SYNE2: variants seen among roughly 807,000 people sequenced by gnomAD.
SYNE2 encodes the protein nesprin-2.
SYNE2 carries 431 observed loss-of-function variants against 856.3 expected under a neutral mutation model. The ratio of observed to expected loss-of-function variants is 0.50; its 90% CI spans 0.47 to 0.55. The LOEUF (loss-of-function observed/expected upper bound fraction) is 0.55, where lower values mean the gene tolerates loss of function less well. Among genes scored for constraint, SYNE2 ranks in the 20% least tolerant of loss-of-function variants. The pLI is 0.00. For synonymous variants in SYNE2, 2,923 were observed against 2,872.3 expected (o/e 1.02, Z -0.56); for missense variants, 8,129 against 8,023.2 (o/e 1.01, Z -0.50).
intron 37 of SYNE2, 94 bp from the exon 38 acceptor site, chr14:64,022,657 C>A: frequency 4.0e-6 from 3 of 751,082 alleles, no homozygotes; most frequent in Admixed American, 2.0e-5. Flanking sequence ...CGATGTATAT[C>A]TATGGCATGG....
chr14:64,048,184 T>C lies in SYNE2; in HGVS notation c.7377+29T>C, dbSNP rs780899111. Reference sequence around the variant, plus strand: ...TGGAAACATAAAAACACTGACAACATGATTGCATCATTTATCCAGTGCAAT... The same window carrying C: ...TGGAAACATAAAAACACTGACAACACGATTGCATCATTTATCCAGTGCAAT... On this transcript the variant is annotated intron_variant, in intron 46 of 115. Transcript: ENST00000555002. 3.7e-6 allele frequency: 6 copies of C among 1,607,392 alleles called. No homozygotes were observed. The African/African-American group carries it at 8.0e-5, about 22-fold the overall frequency.
At chr14:64,156,445 T>C (rs951839753) in intron 85 of SYNE2, among the ~76,000 whole-genome samples, 5 of 151,288 alleles carry the variant, frequency 3.3e-5, no homozygotes, top group African/African-American at 1.2e-4. Flanking sequence ...TCTTCTTTAT[T>C]TTCTTTTTTC....
intron 84 of SYNE2, among the ~76,000 whole-genome samples, chr14:64,148,225 A>C (rs1304927218): frequency 6.6e-6 from 1 of 152,132 alleles, no homozygotes; most frequent in East Asian, 1.9e-4. Context: ...TAAGGGAAGA[A>C]TATCCTTTGA....
chr14:63,821,800 T>G (rs1339754881), intron 1 of SYNE2, among the ~76,000 whole-genome samples: 2 of 152,024 alleles, frequency 1.3e-5, no homozygotes, highest in Non-Finnish European at 2.9e-5. Context: ...ATCTGTTCAT[T>G]CATAAAAGGA....
At chr14:63,867,287 A>G (rs1244492993) in intron 1 of SYNE2, among the ~76,000 whole-genome samples, 2 of 152,132 alleles carry the variant, frequency 1.3e-5, no homozygotes, top group Non-Finnish European at 2.9e-5. Context: ...TGAGCATTCA[A>G]CATATGAAGT....
intron 1 of SYNE2, among the ~76,000 whole-genome samples, chr14:63,820,686 A>T (rs928824831): frequency 6.6e-6 from 1 of 152,170 alleles, no homozygotes; most frequent in African/African-American, 2.4e-5. Context: ...ATTTCAGAGA[A>T]GAAATCAGTG....
chr14:63,980,919 TA>T, intron 15 of SYNE2, 66 bp from the exon 16 acceptor site: 1 of 1,184,570 alleles, frequency 8.4e-7, no homozygotes, highest in Non-Finnish European at 1.2e-6. Context: ...AATATGCAAA[TA>T]TTTTTAAATA....
rs564187169 is a variant in SYNE2, at chr14:63,931,549, C to CA, written c.80-9050dup. ...TGGGCTACAAAGCGAGACTCTGTCT[C>CA]AAAAAAAAAAAAAAAGAAAGAAAGA... On this transcript the variant is annotated intron_variant, in intron 2 of 115. Coordinates refer to ENST00000555002, the MANE Select transcript of SYNE2 (RefSeq NM_182914.3). Among the ~76,000 whole-genome samples, 458 of 88,552 alleles carry CA rather than the reference C, an allele frequency of 5.2e-3. 1 individual carries two copies. Among genetic ancestry groups the CA allele is most frequent in the Admixed American group, 0.014 (108 of 7,830 alleles). The allele number at this position is 88,552 out of a possible 152,430, so 58.1% of individuals were successfully genotyped here. A position where few individuals can be genotyped will look rare whatever the true frequency, so the allele number is the denominator to read the frequency against.
intron 65 of SYNE2, among the ~76,000 whole-genome samples, chr14:64,110,857 G>A (rs1171358480): frequency 6.6e-6 from 1 of 151,960 alleles, no homozygotes; most frequent in Non-Finnish European, 1.5e-5. Flanking sequence ...AAAAAGAGGT[G>A]GGTGAACTGA....
intron 59 of SYNE2, 87 bp from the exon 60 acceptor site, chr14:64,090,779 T>C: frequency 8.3e-7 from 1 of 1,207,636 alleles, no homozygotes; most frequent in Non-Finnish European, 1.2e-6. Flanking sequence ...CTATAAAAAC[T>C]ATACTGTATT....
In SYNE2 at chr14:64,078,351, CCCT is replaced by C. The variant is rs1401103159; in HGVS notation, c.11023-114_11023-112del. On this transcript the variant is annotated intron_variant, in intron 54 of 115. Coordinates refer to ENST00000555002, the MANE Select transcript of SYNE2 (RefSeq NM_182914.3). Reference sequence around the variant, plus strand: ...CATTTGCCAGAATTTCTTCCCCCAGCCCTTAAAAAATTTTTACAAGTTAAAACA... The same window carrying C: ...CATTTGCCAGAATTTCTTCCCCCAGCTAAAAAATTTTTACAAGTTAAAACA... 8.0e-5 allele frequency: 106 copies of C among 1,325,910 alleles called. No homozygotes were observed. The African/African-American group carries it at 1.4e-3, about 17-fold the overall frequency. The allele number at this position is 1,325,910 out of a possible 1,614,324, so 82.1% of individuals were successfully genotyped here.
intron 78 of SYNE2, among the ~76,000 whole-genome samples, chr14:64,136,418 A>T (rs1464209800): frequency 6.7e-6 from 1 of 149,486 alleles, no homozygotes; most frequent in Non-Finnish European, 1.5e-5. Flanking sequence ...ACAGATGCTC[A>T]GACACGGGGG....
intron 28 of SYNE2, 73 bp downstream of exon 28, chr14:64,000,792 T>A: frequency 3.0e-6 from 4 of 1,327,404 alleles, no homozygotes; most frequent in Non-Finnish European, 4.3e-6. Context: ...TTAAGCAAGA[T>A]TCTTGCTATA....
At chr14:63,915,622 G>T (rs150114278) in intron 2 of SYNE2, among the ~76,000 whole-genome samples, 1 of 152,166 alleles carries the variant, frequency 6.6e-6, no homozygotes, top group Non-Finnish European at 1.5e-5. Context: ...CCATCTGCAC[G>T]AACCTCTATA....
At chr14:64,054,868 C>T (rs1433014238) in intron 48 of SYNE2, among the ~76,000 whole-genome samples, 2 of 152,134 alleles carry the variant, frequency 1.3e-5, no homozygotes, top group Non-Finnish European at 2.9e-5. Context: ...TTATGAGATA[C>T]TATATCTGGA....
At chr14:63,819,141 A>G (rs1005304140) in intron 1 of SYNE2, among the ~76,000 whole-genome samples, 3 of 152,150 alleles carry the variant, frequency 2.0e-5, no homozygotes, top group Non-Finnish European at 4.4e-5. Context: ...TTTGACATTA[A>G]AAAAAAGAAA....
chr14:63,963,630 T>G (rs924609951), intron 9 of SYNE2, among the ~76,000 whole-genome samples: 15 of 152,208 alleles, frequency 9.9e-5, no homozygotes, highest in Non-Finnish European at 1.8e-4. Flanking sequence ...TATAAAGAAG[T>G]GATTTAGAAT....
intron 3 of SYNE2, among the ~76,000 whole-genome samples, chr14:63,941,394 G>A (rs79914599): frequency 0.01 from 1,595 of 152,234 alleles, 26 homozygotes; most frequent in African/African-American, 0.036. Flanking sequence ...TTTCCAGATG[G>A]GTCACTAGCG....
chr14:63,950,917 A>G (rs1013119423), intron 7 of SYNE2, among the ~76,000 whole-genome samples: 13 of 152,176 alleles, frequency 8.5e-5, no homozygotes, highest in Admixed American at 2.0e-4. Context: ...TCCGTCTTCG[A>G]AAGTGCTGGG....
Sources: gnomAD v4.1 joint callset for allele counts (sites outside exome capture counted in the v4.1 genomes callset) on GRCh38, gnomAD v4.1.1 for gene constraint, MANE v1.5 for transcripts, NCBI Gene and HGNC (gene_info 2026-07-23, HGNC 2026-07-21) for gene names.